The following GSG1L variants were observed in gnomAD, a reference collection of about 807,000 sequenced individuals.
The protein encoded by GSG1L is GSG1 like, also known as germ cell-specific gene 1-like protein.
Under a neutral mutation model 42.1 loss-of-function variants are expected in GSG1L, and 24 were observed. The ratio of observed to expected loss-of-function variants is 0.57; its 90% CI spans 0.41 to 0.80. GSG1L has a LOEUF of 0.80. Among genes scored for constraint, GSG1L ranks in the 30% least tolerant of loss-of-function variants. The probability of loss-of-function intolerance (pLI) is 0.00; values close to 1 mark genes in which losing one functional copy is unlikely to be tolerated. For missense variants in GSG1L, 445 were observed against 472.2 expected (o/e 0.94, Z 0.53); for synonymous variants, 215 against 203.5 (o/e 1.06, Z -0.48).
chr16:27,971,770 G>T (rs1236358385), intron 1 of GSG1L, among the ~76,000 whole-genome samples: 2 of 152,134 alleles, frequency 1.3e-5, no homozygotes, highest in Non-Finnish European at 2.9e-5. Context: ...TTTGTTGTTA[G>T]CTGTGGGGTT....
At chr16:28,034,257 CCCATCCCATCCCATCCCATT>C (rs1567563545) in intron 1 of GSG1L, among the ~76,000 whole-genome samples, 3 of 33,902 alleles carry the variant, frequency 8.8e-5, no homozygotes, top group African/African-American at 1.1e-4. Flanking sequence ...CCCATCCCAT[CCCATCCCATCCCATCCCATT>C]CCATCCCAAC....
chr16:27,868,322 C>G (rs997843284), intron 3 of GSG1L, among the ~76,000 whole-genome samples: 20 of 152,378 alleles, frequency 1.3e-4, no homozygotes, highest in African/African-American at 4.8e-4. Flanking sequence ...TCCTCAGACC[C>G]TTCTGCAGGC....
rs1190447217 is a variant in GSG1L at position 27,789,956 on chromosome 16, T to G, written c.*1414A>C. The stretch of plus-strand genomic sequence containing the variant: ...GATGGAGGGATGAATGAAAAATGGA[T>G]GAATGGACAATGGACAATAGCTGGA... On this transcript the variant is annotated 3_prime_UTR_variant, in exon 7 of 7. Coordinates refer to ENST00000447459, the MANE Select transcript of GSG1L (RefSeq NM_001109763.2). 1 of 147,098 alleles carries G rather than the reference T, an allele frequency of 6.8e-6. No homozygotes were observed. The highest frequency in any genetic ancestry group is 1.5e-5 in the Non-Finnish European group (1 of 67,124). 9.1% of individuals were successfully genotyped at this position (147,098 alleles called of 1,614,324 possible).
chr16:27,862,293 G>C (rs749002929), intron 3 of GSG1L, among the ~76,000 whole-genome samples: 38 of 152,166 alleles, frequency 2.5e-4, no homozygotes, highest in Non-Finnish European at 3.7e-4. Context: ...ACCTCCTTGA[G>C]CTAAGGATGG....
chr16:28,002,701 C>T (rs1057139790), intron 1 of GSG1L, among the ~76,000 whole-genome samples: 30 of 151,648 alleles, frequency 2.0e-4, no homozygotes, highest in Admixed American at 1.6e-3. Flanking sequence ...GAGGCCGAGG[C>T]GGGAGGACCA....
At chr16:27,803,800 G>GATATAGATATAGAT (rs1406574562) in intron 6 of GSG1L, among the ~76,000 whole-genome samples, 1,490 of 74,074 alleles carry the variant, frequency 0.02, 19 homozygotes, top group Non-Finnish European at 0.023. Context: ...TATATAGATA[G>GATATAGATATAGAT]ATAGATATAG....
At chr16:27,885,573 C>G (rs940810994) in intron 2 of GSG1L, among the ~76,000 whole-genome samples, 1 of 152,232 alleles carries the variant, frequency 6.6e-6, no homozygotes, top group African/African-American at 2.4e-5. Flanking sequence ...GCTACTCCCA[C>G]ACTTCAACCT....
At chr16:27,925,626 C>T (rs192829989) in intron 2 of GSG1L, among the ~76,000 whole-genome samples, 14 of 152,200 alleles carry the variant, frequency 9.2e-5, no homozygotes, top group African/African-American at 2.6e-4. Context: ...GTTAGGAACA[C>T]GCCATGACCA....
At chr16:28,019,087 C>A (rs2085810234) in intron 1 of GSG1L, among the ~76,000 whole-genome samples, 2 of 152,138 alleles carry the variant, frequency 1.3e-5, no homozygotes, top group Admixed American at 1.3e-4. Flanking sequence ...ACCACAGCAA[C>A]TTCATCTTGA....
intron 2 of GSG1L, among the ~76,000 whole-genome samples, chr16:27,888,459 TCTTTCTCTCTCTCTCTCTCTTTC>T (rs2084064563): frequency 6.1e-5 from 1 of 16,402 alleles, no homozygotes; most frequent in African/African-American, 1.2e-4. Flanking sequence ...TTTCTTTCTT[TCTTTCTCTCTCTCTCTCTCTTTC>T]CTTTCTTTCT....
intron 4 of GSG1L, among the ~76,000 whole-genome samples, chr16:27,834,947 G>T (rs1186080600): frequency 6.6e-6 from 1 of 151,826 alleles, no homozygotes; most frequent in Non-Finnish European, 1.5e-5. Context: ...GCTGGCTTTG[G>T]GCTTATTTTG....
chr16:27,795,320 G>A (rs967103421), intron 6 of GSG1L, among the ~76,000 whole-genome samples: 6 of 152,166 alleles, frequency 3.9e-5, no homozygotes, highest in African/African-American at 1.4e-4. Context: ...TCCTCTTTTG[G>A]GTGAAGGCTC....
At chr16:27,952,028 A>G (rs749116) in intron 2 of GSG1L, among the ~76,000 whole-genome samples, 64,113 of 152,028 alleles carry the variant, frequency 0.42, 13,776 homozygotes, top group African/African-American at 0.46. Context: ...CAGAAATCCC[A>G]GGGCACCAAG....
intron 1 of GSG1L, among the ~76,000 whole-genome samples, chr16:28,062,769 G>A (rs971824538): frequency 6.6e-6 from 1 of 152,184 alleles, no homozygotes; most frequent in Non-Finnish European, 1.5e-5. Context: ...CCCTCCGACC[G>A]GCAGCGGGGG....
At chr16:27,997,175 T>G (rs2085524119) in intron 1 of GSG1L, among the ~76,000 whole-genome samples, 1 of 152,118 alleles carries the variant, frequency 6.6e-6, no homozygotes, top group Admixed American at 6.5e-5. Flanking sequence ...ATCATGTCCT[T>G]GCCTCTTCTA....
intron 4 of GSG1L, among the ~76,000 whole-genome samples, chr16:27,838,972 A>G (rs2083349813): frequency 6.6e-6 from 1 of 152,176 alleles, no homozygotes; most frequent in South Asian, 2.1e-4. Flanking sequence ...CAGAGACATC[A>G]GCACACACAC....
At chr16:27,882,602 C>A (rs1465287369) in intron 3 of GSG1L, among the ~76,000 whole-genome samples, 1 of 152,152 alleles carries the variant, frequency 6.6e-6, no homozygotes, top group East Asian at 1.9e-4. Flanking sequence ...CTGTCCACTC[C>A]ACCTGGAATG....
chr16:28,009,704 G>A (rs1023889342), intron 1 of GSG1L, among the ~76,000 whole-genome samples: 2 of 152,342 alleles, frequency 1.3e-5, no homozygotes, highest in South Asian at 2.1e-4. Flanking sequence ...CAGTGGAAAC[G>A]GCACTGGCCT....
At chr16:27,887,420 T>C (rs78618116) in intron 2 of GSG1L, among the ~76,000 whole-genome samples, 99 of 152,342 alleles carry the variant, frequency 6.5e-4, no homozygotes, top group African/African-American at 2.3e-3. Context: ...TTTGAGCCCC[T>C]AGATCCAGCC....
Sources: allele counts gnomAD v4.1 joint callset (sites outside exome capture counted in the v4.1 genomes callset), GRCh38; gene constraint gnomAD v4.1.1; transcripts MANE v1.5; gene names NCBI Gene and HGNC (gene_info 2026-07-23, HGNC 2026-07-21).